GALNT2: variants seen among roughly 807,000 people sequenced by gnomAD.
GALNT2 encodes UDP-GalNAc:polypeptide N-acetylgalactosaminyltransferase 2.
Under a neutral mutation model 81.4 loss-of-function variants are expected in GALNT2, and 31 were observed. That is an observed-to-expected ratio of 0.38 (90% CI 0.29 to 0.51). The LOEUF (loss-of-function observed/expected upper bound fraction) is 0.51. Among genes scored for constraint, GALNT2 ranks in the 20% least tolerant of loss-of-function variants. The probability of loss-of-function intolerance (pLI) is 0.87; values close to 1 mark genes in which losing one functional copy is unlikely to be tolerated. For missense variants in GALNT2, 629 were observed against 765.7 expected, an observed-to-expected ratio of 0.82 and a Z score of 2.11; for synonymous variants, 303 against 287.4, an observed-to-expected ratio of 1.05 and a Z score of -0.55.
intron 3 of GALNT2, among the ~76,000 whole-genome samples, chr1:230,222,031 C>CTCTTTTTTTTTTTTTTTTTTTTTTTT (rs1553270493): frequency 1.0e-4 from 10 of 96,118 alleles, no homozygotes; most frequent in Admixed American, 1.3e-4. Flanking sequence ...CTGCTTTTCT[C>CTCTTTTTTTTTTTTTTTTTTTTTTTT]TTTTTTTTTT....
rs138750395 is a variant in GALNT2, at chr1:230,249,645, C to G, written c.905+374C>G. On this transcript the variant is annotated intron_variant, in intron 9 of 15. Coordinates refer to ENST00000366672, the MANE Select transcript of GALNT2 (RefSeq NM_004481.5). ...TGCTACTGCCCAGCAGGCCTTTGCT[C>G]TCCTGCAGAGGAAGGAGCCCATGCT... 5.1e-3 allele frequency among the ~76,000 whole-genome samples: 766 copies of G among 151,668 alleles called. 6 individuals carry two copies. Among genetic ancestry groups the G allele is most frequent in the African/African-American group, 0.017 (719 of 41,298 alleles).
chr1:230,269,843 G>T (rs1463139932), intron 14 of GALNT2, among the ~76,000 whole-genome samples: 2 of 152,196 alleles, frequency 1.3e-5, no homozygotes, highest in Non-Finnish European at 2.9e-5. Context: ...GCTGTAGTGA[G>T]CTGTGATTGC....
rs564456240 is a variant in GALNT2 at position 230,089,595 on chromosome 1, G to A, written c.126+22189G>A. Among the ~76,000 whole-genome samples the A allele has an allele frequency of 1.2e-3, 182 of 152,240 alleles. 1 individual carries two copies. Among genetic ancestry groups the A allele is most frequent in the Middle Eastern group, 3.4e-3 (1 of 294 alleles). ...ATTCTCCCTCCCTGCAGCCACTGGC[G>A]GCCAGGGTTCTACCTTCTGTCTCTG... On this transcript the variant is annotated intron_variant, in intron 1 of 15. Transcript: ENST00000366672.
At chr1:230,174,816 C>T (rs1024627939) in intron 1 of GALNT2, among the ~76,000 whole-genome samples, 1 of 152,174 alleles carries the variant, frequency 6.6e-6, no homozygotes, top group Non-Finnish European at 1.5e-5. Context: ...CTGCCGCTTC[C>T]GTGCCCTCCT....
intron 1 of GALNT2, among the ~76,000 whole-genome samples, chr1:230,128,810 C>T: frequency 6.6e-6 from 1 of 152,174 alleles, no homozygotes; most frequent in East Asian, 1.9e-4. Flanking sequence ...CTTCCTAAGC[C>T]CCCATCTTCC....
chr1:230,175,601 G>GTCCTCCTCCTCCTCCTCC lies in GALNT2; in HGVS notation c.127-2605_127-2604insTCCTCCTCCTCCTCCTCC, dbSNP rs112086633. ...CTCCTCCCCTCCTCGTCCCCTCCTC[G>GTCCTCCTCCTCCTCCTCC]TCCTCCTCCTCCCCCTCCCTCTCCC... On this transcript the variant is annotated intron_variant, in intron 1 of 15. Coordinates refer to ENST00000366672, the MANE Select transcript of GALNT2 (RefSeq NM_004481.5). Among the ~76,000 whole-genome samples, 2 of 72,818 alleles carry GTCCTCCTCCTCCTCCTCC rather than the reference G, an allele frequency of 2.7e-5. 1 individual carries two copies. The highest frequency in any genetic ancestry group is 1.5e-4 in the African/African-American group (2 of 13,422). The allele number at this position is 72,818 out of a possible 152,430, so 47.8% of individuals were successfully genotyped here.
At chr1:230,262,773 C>T (rs1203308112) in intron 12 of GALNT2, 108 bp downstream of exon 12, 13 of 1,326,032 alleles carry the variant, frequency 9.8e-6, no homozygotes, top group Middle Eastern at 1.9e-4. Flanking sequence ...GGTGCCAAGG[C>T]GGGAAGGGGT....
At chr1:230,098,172 A>G (rs537778009) in intron 1 of GALNT2, among the ~76,000 whole-genome samples, 1 of 152,268 alleles carries the variant, frequency 6.6e-6, no homozygotes, top group South Asian at 2.1e-4. Context: ...TTGAAGACAT[A>G]CTTAAATAAC....
At chr1:230,130,069 G>T (rs1041740182) in intron 1 of GALNT2, among the ~76,000 whole-genome samples, 14 of 152,218 alleles carry the variant, frequency 9.2e-5, no homozygotes, top group African/African-American at 3.4e-4. Flanking sequence ...CATCCCTGCA[G>T]TCCTCTCTTG....
At chr1:230,097,952 G>A (rs979853954) in intron 1 of GALNT2, among the ~76,000 whole-genome samples, 5 of 152,160 alleles carry the variant, frequency 3.3e-5, no homozygotes, top group East Asian at 1.9e-4. Flanking sequence ...GAGTTAATAC[G>A]TATGAATGTC....
At chr1:230,064,475 C>T (rs147800367), upstream of GALNT2, among the ~76,000 whole-genome samples, 4 of 152,304 alleles carry the variant, frequency 2.6e-5, no homozygotes, top group East Asian at 5.8e-4. Flanking sequence ...TATCTGTTTG[C>T]CTACAACCTT....
At chr1:230,142,643 A>G (rs1474656355) in intron 1 of GALNT2, among the ~76,000 whole-genome samples, 1 of 152,174 alleles carries the variant, frequency 6.6e-6, no homozygotes. Flanking sequence ...TATGGGTAAA[A>G]ATACGCCTGT....
intron 2 of GALNT2, among the ~76,000 whole-genome samples, chr1:230,195,544 G>A (rs1235502066): frequency 6.6e-6 from 1 of 152,142 alleles, no homozygotes; most frequent in East Asian, 1.9e-4. Flanking sequence ...GGCAGGAGGG[G>A]TAGACACATA....
At chr1:230,140,064 G>A (rs911053176) in intron 1 of GALNT2, among the ~76,000 whole-genome samples, 3 of 152,230 alleles carry the variant, frequency 2.0e-5, no homozygotes, top group African/African-American at 7.2e-5. Context: ...GGGTCCCTGC[G>A]TCAGCTGTAC....
At chr1:230,071,349 T>C (rs1205112491) in intron 1 of GALNT2, among the ~76,000 whole-genome samples, 1 of 152,170 alleles carries the variant, frequency 6.6e-6, no homozygotes, top group Non-Finnish European at 1.5e-5. Context: ...CCAATTGTGG[T>C]GTCAGAATGG....
chr1:230,134,905 T>C (rs1436308692), intron 1 of GALNT2, among the ~76,000 whole-genome samples: 3 of 152,202 alleles, frequency 2.0e-5, no homozygotes, highest in East Asian at 1.9e-4. Context: ...GAGTTGTCTG[T>C]GTCAGCCAGT....
At chr1:230,087,561 T>G (rs796622229) in intron 1 of GALNT2, among the ~76,000 whole-genome samples, 6 of 152,232 alleles carry the variant, frequency 3.9e-5, no homozygotes, top group African/African-American at 1.4e-4. Context: ...TAGATGCCTA[T>G]CACCCACCCT....
At chr1:230,216,309 G>A (rs924667015) in intron 3 of GALNT2, among the ~76,000 whole-genome samples, 1 of 152,106 alleles carries the variant, frequency 6.6e-6, no homozygotes, top group African/African-American at 2.4e-5. Context: ...TTGTCATTTA[G>A]GCTACGTATT....
chr1:230,124,156 G>A (rs1194768331), intron 1 of GALNT2, among the ~76,000 whole-genome samples: 1 of 152,186 alleles, frequency 6.6e-6, no homozygotes, highest in Non-Finnish European at 1.5e-5. Flanking sequence ...ACAATGTCAA[G>A]AATATTACCC....
Sources: gnomAD v4.1 joint callset for allele counts (sites outside exome capture counted in the v4.1 genomes callset) on GRCh38, gnomAD v4.1.1 for gene constraint, MANE v1.5 for transcripts, NCBI Gene and HGNC (gene_info 2026-07-23, HGNC 2026-07-21) for gene names.